The following CAV1 variants were observed in gnomAD, a reference collection of about 807,000 sequenced individuals.
CAV1 encodes caveolin 1, also known as caveolin-1.
In CAV1, 10 loss-of-function variants were observed where a neutral mutation model predicts 16.5. The ratio of observed to expected loss-of-function variants is 0.61; its 90% CI spans 0.37 to 1.03. CAV1 has a LOEUF of 1.03. Ranked by LOEUF, CAV1 falls within the 50% of genes least tolerant of loss-of-function variation. The pLI is 0.01. For missense variants in CAV1, 212 were observed against 232.8 expected (o/e 0.91, Z 0.58); for synonymous variants, 76 against 85.1 (o/e 0.89, Z 0.59).
At chr7:116,542,809 C>G (rs1363788404) in intron 2 of CAV1, 4 of 152,180 alleles carry the variant, frequency 2.6e-5, no homozygotes, top group African/African-American at 7.2e-5. Context: ...TCCCCCTCCC[C>G]CTTTTCCCAC....
At chr7:116,534,381 ATATATATATATATATT>A (rs1447319141) in intron 2 of CAV1, among the ~76,000 whole-genome samples, 8 of 11,508 alleles carry the variant, frequency 7.0e-4, no homozygotes, top group Admixed American at 2.3e-3. Flanking sequence ...ATATATATAT[ATATATATATATATATT>A]TTTTTTTTTT....
chr7:116,540,129 G>T (rs1793907260), intron 2 of CAV1, among the ~76,000 whole-genome samples: 1 of 152,226 alleles, frequency 6.6e-6, no homozygotes, highest in South Asian at 2.1e-4. Context: ...GAGATTTTGT[G>T]TGCTGGGAGG....
chr7:116,552,588 A>G (rs1254428784), intron 2 of CAV1, among the ~76,000 whole-genome samples: 1 of 152,210 alleles, frequency 6.6e-6, no homozygotes, highest in Non-Finnish European at 1.5e-5. Context: ...GATAATGGCA[A>G]AAGCAGCATC....
chr7:116,536,904 G>A (rs1793828526), intron 2 of CAV1, among the ~76,000 whole-genome samples: 2 of 150,826 alleles, frequency 1.3e-5, no homozygotes, highest in African/African-American at 4.9e-5. Flanking sequence ...TCGGGAGGCT[G>A]AGGCAGGAGA....
chr7:116,534,396 T>TATATATATA (rs1491486855), intron 2 of CAV1, among the ~76,000 whole-genome samples: 5 of 7,278 alleles, frequency 6.9e-4, no homozygotes, highest in Non-Finnish European at 1.2e-3. Context: ...TATATATATA[T>TATATATATA]TTTTTTTTTT....
At chr7:116,525,854 CA>C in intron 1 of CAV1, 1 of 993,170 alleles carries the variant, frequency 1.0e-6, no homozygotes, top group Non-Finnish European at 1.2e-6. Context: ...CTGGCTCCGC[CA>C]AAAATGGGGA....
rs1184444704 is a variant in CAV1, at chr7:116,559,176, G to A, written c.426G>A (p.Gln142=). 9.9e-6 allele frequency: 16 copies of A among 1,613,826 alleles called. No individual in the cohort carries two copies. The highest frequency in any genetic ancestry group is 1.4e-5 in the Non-Finnish European group (16 of 1,179,888). The change falls in exon 3 of 3, where the codon CAG becomes CAA. Residue 142 remains glutamine (Q), a synonymous_variant. Coordinates refer to ENST00000341049, the MANE Select transcript of CAV1 (RefSeq NM_001753.5). Reference sequence around the variant, plus strand: ...TTAAGAGCTTCCTGATTGAGATTCAGTGCATCAGCCGTGTCTATTCCATCT... The same window carrying A: ...TTAAGAGCTTCCTGATTGAGATTCAATGCATCAGCCGTGTCTATTCCATCT... ...PCIKSFLIEI[Q]CISRVYSIYV...
At position 116,545,931 on chromosome 7, in the gene CAV1, T is replaced by C. The variant is rs1164991524; in HGVS notation, c.196-13015T>C. ...CTCTGGATGAATCCCTGTAATTGCATGTTTGGATAAAATAAGATTTTCATA... is the reference window on the plus strand; with the variant it reads ...CTCTGGATGAATCCCTGTAATTGCACGTTTGGATAAAATAAGATTTTCATA... On this transcript the variant is annotated intron_variant, in intron 2 of 2. Transcript: ENST00000341049. Among the ~76,000 whole-genome samples, 4 of 152,248 alleles carry C rather than the reference T, an allele frequency of 2.6e-5. No individual in the cohort carries two copies. The East Asian group carries it at 7.7e-4, about 29-fold the overall frequency.
rs1554356436 is a variant in CAV1 at position 116,546,702 on chromosome 7, A to AAATAAAAAATAAAAAT, written c.196-12242_196-12241insTAAAAAATAAAAATAA. Among the ~76,000 whole-genome samples, 33 of 143,054 alleles carry AAATAAAAAATAAAAAT rather than the reference A, an allele frequency of 2.3e-4. 1 individual carries two copies. The highest frequency in any genetic ancestry group is 7.9e-4 in the African/African-American group (30 of 37,926). 93.8% of individuals were successfully genotyped at this position (143,054 alleles called of 152,430 possible). On this transcript the variant is annotated intron_variant, in intron 2 of 2. Transcript: ENST00000341049. ...ACAAGAATGAGACTCTGTCACAAAA[A>AAATAAAAAATAAAAAT]AAAAAAAAAAAAGTCTGCAGGCTGC...
intron 2 of CAV1, among the ~76,000 whole-genome samples, chr7:116,555,074 A>C (rs1334263849): frequency 6.6e-6 from 1 of 152,148 alleles, no homozygotes; most frequent in African/African-American, 2.4e-5. Flanking sequence ...CTTTTGAGCC[A>C]CTGGTGGGGT....
At chr7:116,557,505 G>C (rs1794314231) in intron 2 of CAV1, among the ~76,000 whole-genome samples, 1 of 152,104 alleles carries the variant, frequency 6.6e-6, no homozygotes, top group Non-Finnish European at 1.5e-5. Context: ...CTTTCTGTTG[G>C]TAATTCTGTT....
intron 2 of CAV1, among the ~76,000 whole-genome samples, chr7:116,528,656 C>G (rs1220034230): frequency 1.3e-5 from 2 of 152,090 alleles, no homozygotes; most frequent in East Asian, 1.9e-4. Flanking sequence ...GAACAGGGTC[C>G]TATCTACATC....
At chr7:116,538,908 G>C (rs191961225) in intron 2 of CAV1, among the ~76,000 whole-genome samples, 1 of 152,138 alleles carries the variant, frequency 6.6e-6, no homozygotes, top group Non-Finnish European at 1.5e-5. Flanking sequence ...ATCAGATTTC[G>C]TGGGACTTAT....
chr7:116,536,661 T>G (rs1252532861), intron 2 of CAV1, among the ~76,000 whole-genome samples: 1 of 152,176 alleles, frequency 6.6e-6, no homozygotes, highest in Non-Finnish European at 1.5e-5. Context: ...CAAAGGCATT[T>G]GTCTCTTTGT....
chr7:116,526,738 CAGTT>C (rs760579551), intron 2 of CAV1, 49 bp downstream of exon 2: 5 of 1,608,926 alleles, frequency 3.1e-6, no homozygotes, highest in Non-Finnish European at 4.2e-6. Context: ...TCTCCTCTGG[CAGTT>C]AGCCCGTGCA....
At chr7:116,545,839 A>G (rs916548757) in intron 2 of CAV1, among the ~76,000 whole-genome samples, 6 of 152,260 alleles carry the variant, frequency 3.9e-5, no homozygotes, top group African/African-American at 1.4e-4. Flanking sequence ...GTCCCATGAC[A>G]TGCCCAGAAG....
chr7:116,557,455 T>C (rs370340224), intron 2 of CAV1, among the ~76,000 whole-genome samples: 1 of 152,306 alleles, frequency 6.6e-6, no homozygotes, highest in East Asian at 1.9e-4. Context: ...TCCCCTCCTA[T>C]AGCTGTCACT....
intron 2 of CAV1, among the ~76,000 whole-genome samples, chr7:116,533,165 C>G (rs1793718418): frequency 6.6e-6 from 1 of 151,928 alleles, no homozygotes; most frequent in South Asian, 2.1e-4. Context: ...CACGGTGAAA[C>G]CCCATCTCTA....
chr7:116,557,758 A>C (rs753481007), intron 2 of CAV1, among the ~76,000 whole-genome samples: 2 of 151,814 alleles, frequency 1.3e-5, no homozygotes, highest in Non-Finnish European at 2.9e-5. Flanking sequence ...CTGGCCCTTC[A>C]AACTTGAGTG....
Sources: gnomAD v4.1 joint callset for allele counts (sites outside exome capture counted in the v4.1 genomes callset) on GRCh38, gnomAD v4.1.1 for gene constraint, MANE v1.5 for transcripts, NCBI Gene and HGNC (gene_info 2026-07-23, HGNC 2026-07-21) for gene names.